The following HECW1 variants were observed in gnomAD, a reference collection of about 807,000 sequenced individuals.
HECW1 encodes the protein HECT, C2 and WW domain containing E3 ubiquitin protein ligase 1.
In HECW1, 61 loss-of-function variants were observed where a neutral mutation model predicts 182.3. That is an observed-to-expected ratio of 0.33 (90% confidence interval 0.27 to 0.41). The LOEUF (loss-of-function observed/expected upper bound fraction) is 0.41, where lower values mean the gene tolerates loss of function less well. Among genes scored for constraint, HECW1 ranks in the 10% least tolerant of loss-of-function variants. The pLI, the probability that HECW1 is intolerant of heterozygous loss-of-function variation, is 1.00. For synonymous variants in HECW1, 859 were observed against 832.6 expected, an observed-to-expected ratio of 1.03 and a Z score of -0.55; for missense variants, 1,739 against 2,108.9, an observed-to-expected ratio of 0.82 and a Z score of 3.44.
intron 26 of HECW1, among the ~76,000 whole-genome samples, chr7:43,548,398 G>A (rs1343847578): frequency 6.6e-6 from 1 of 152,004 alleles, no homozygotes; most frequent in Non-Finnish European, 1.5e-5. Context: ...CCAAACCCAC[G>A]CTGCTCAAGG....
intron 21 of HECW1, among the ~76,000 whole-genome samples, chr7:43,501,827 T>C (rs2079372415): frequency 6.7e-6 from 1 of 148,512 alleles, no homozygotes; most frequent in Non-Finnish European, 1.5e-5. Context: ...AGAGTCCCTA[T>C]CTAAAAAAAA....
chr7:43,210,901 G>A (rs954277176), intron 2 of HECW1, among the ~76,000 whole-genome samples: 8 of 152,208 alleles, frequency 5.3e-5, no homozygotes, highest in Admixed American at 5.2e-4. Context: ...TGACAAACAC[G>A]GACCAGAAGA....
chr7:43,550,937 TAAGTG>T (rs1452658008), intron 27 of HECW1, among the ~76,000 whole-genome samples: 2 of 152,152 alleles, frequency 1.3e-5, no homozygotes, highest in African/African-American at 4.8e-5. Context: ...GAAACAAAAA[TAAGTG>T]AAGTGAAGAC....
At chr7:43,436,380 T>C (rs1358380282) in intron 8 of HECW1, among the ~76,000 whole-genome samples, 1 of 152,118 alleles carries the variant, frequency 6.6e-6, no homozygotes, top group African/African-American at 2.4e-5. Flanking sequence ...CGTGTGTTCA[T>C]GTGAAGAGAC....
At chr7:43,401,816 G>A (rs984594916) in intron 7 of HECW1, among the ~76,000 whole-genome samples, 1 of 151,778 alleles carries the variant, frequency 6.6e-6, no homozygotes, top group African/African-American at 2.4e-5. Context: ...GGGAACAGGC[G>A]TTCCTGTTTT....
chr7:43,419,305 G>A (rs181579982), intron 8 of HECW1, among the ~76,000 whole-genome samples: 4 of 152,284 alleles, frequency 2.6e-5, no homozygotes, highest in East Asian at 3.9e-4. Context: ...TTCCATGCCC[G>A]TCTCTTGTTG....
At chr7:43,336,182 C>G (rs1313862923) in intron 5 of HECW1, among the ~76,000 whole-genome samples, 2 of 136,484 alleles carry the variant, frequency 1.5e-5, no homozygotes, top group African/African-American at 5.8e-5. Context: ...CTCTCTCTCT[C>G]TCTCTCTCTC....
intron 2 of HECW1, among the ~76,000 whole-genome samples, chr7:43,182,692 G>A (rs1792985404): frequency 6.6e-6 from 1 of 152,078 alleles, no homozygotes; most frequent in Non-Finnish European, 1.5e-5. Context: ...TGTGACAAAT[G>A]ACATTGGTAT....
At chr7:43,261,368 C>T (rs147028318) in intron 3 of HECW1, among the ~76,000 whole-genome samples, 29 of 152,268 alleles carry the variant, frequency 1.9e-4, no homozygotes, top group African/African-American at 7.0e-4. Flanking sequence ...GAGGGCAGAA[C>T]CTTTTTCCTG....
intron 5 of HECW1, among the ~76,000 whole-genome samples, chr7:43,357,493 G>A (rs568725620): frequency 1.1e-4 from 17 of 152,120 alleles, no homozygotes; most frequent in Admixed American, 3.3e-4. Flanking sequence ...GTTTTCATTC[G>A]TATGTGGGAG....
Position 43,212,567 on chromosome 7 carries a change from A to G in HECW1, c.-31-31308A>G, listed in dbSNP as rs867353707. Among the ~76,000 whole-genome samples, 9 of 152,086 alleles carry G rather than the reference A, an allele frequency of 5.9e-5. No individual in the cohort carries two copies. In the South Asian group the frequency reaches 1.9e-3, roughly 32 times the overall value. On this transcript the variant is annotated intron_variant, in intron 2 of 29. Coordinates refer to ENST00000395891, the MANE Select transcript of HECW1 (RefSeq NM_015052.5). ...CAATTACAGAAGGGAGGCCAAGGCTATTACGCTGCACTCTTCTTAAGTAAC... is the reference window on the plus strand; with the variant it reads ...CAATTACAGAAGGGAGGCCAAGGCTGTTACGCTGCACTCTTCTTAAGTAAC...
At chr7:43,380,281 C>G (rs2074493084) in intron 6 of HECW1, among the ~76,000 whole-genome samples, 1 of 152,156 alleles carries the variant, frequency 6.6e-6, no homozygotes, top group African/African-American at 2.4e-5. Context: ...CCACGCTGGT[C>G]TCAAACTCCT....
intron 7 of HECW1, among the ~76,000 whole-genome samples, chr7:43,403,474 C>A (rs1015932221): frequency 4.6e-5 from 7 of 152,160 alleles, no homozygotes; most frequent in African/African-American, 1.7e-4. Flanking sequence ...TGGTGATCAA[C>A]CTTTGATCCC....
chr7:43,332,432 G>A (rs1248571598), intron 5 of HECW1, among the ~76,000 whole-genome samples: 1 of 152,188 alleles, frequency 6.6e-6, no homozygotes, highest in Non-Finnish European at 1.5e-5. Flanking sequence ...TTGAAATGGG[G>A]CCTTGCTCTA....
intron 2 of HECW1, among the ~76,000 whole-genome samples, chr7:43,135,343 G>C (rs150077962): frequency 6.6e-6 from 1 of 152,144 alleles, no homozygotes; most frequent in East Asian, 1.9e-4. Flanking sequence ...CTCTTCCTCT[G>C]TTAGATCTGG....
chr7:43,268,761 T>C (rs1483690821), intron 3 of HECW1, among the ~76,000 whole-genome samples: 4 of 151,938 alleles, frequency 2.6e-5, no homozygotes, highest in Non-Finnish European at 5.9e-5. Flanking sequence ...TGTTTTGTTG[T>C]TGTTGTTGTT....
At chr7:43,163,837 C>G (rs1308306972) in intron 2 of HECW1, among the ~76,000 whole-genome samples, 4 of 152,084 alleles carry the variant, frequency 2.6e-5, no homozygotes, top group East Asian at 1.9e-4. Context: ...TTTGGACAAG[C>G]AAAGATGAGG....
At chr7:43,557,654 G>A (rs894083604) in intron 29 of HECW1, among the ~76,000 whole-genome samples, 3 of 152,146 alleles carry the variant, frequency 2.0e-5, no homozygotes, top group African/African-American at 7.2e-5. Context: ...CCAGATAATA[G>A]TCATAATAAG....
At chr7:43,273,428 A>T (rs1802671092) in intron 3 of HECW1, among the ~76,000 whole-genome samples, 1 of 152,228 alleles carries the variant, frequency 6.6e-6, no homozygotes, top group South Asian at 2.1e-4. Flanking sequence ...ATTGACCCTA[A>T]TATAAATTTC....
Sources: gnomAD v4.1 joint callset for allele counts (sites outside exome capture counted in the v4.1 genomes callset) on GRCh38, gnomAD v4.1.1 for gene constraint, MANE v1.5 for transcripts, NCBI Gene and HGNC (gene_info 2026-07-23, HGNC 2026-07-21) for gene names.